ZBP1: variants seen among roughly 807,000 people sequenced by gnomAD.
The protein encoded by ZBP1 is Z-DNA binding protein 1.
ZBP1 carries 42 observed loss-of-function variants against 41.1 expected under a neutral mutation model. That is an observed-to-expected ratio of 1.02 (90% CI 0.80 to 1.32). The LOEUF is 1.32. Among genes scored for constraint, ZBP1 ranks in the 40% most tolerant of loss-of-function variants. ZBP1 has a pLI of 0.00. For synonymous variants in ZBP1, 214 were observed against 205.2 expected (o/e 1.04, Z -0.37); for missense variants, 562 against 549.7 (o/e 1.02, Z -0.22).
chr20:57,614,906 T>C lies in ZBP1; in HGVS notation c.483A>G (p.Ala161=). 1 of 1,614,198 alleles carries C rather than the reference T, an allele frequency of 6.2e-7. No individual in the cohort carries two copies. The highest frequency in any genetic ancestry group is 1.1e-5 in the South Asian group (1 of 91,076). Residue 161 remains alanine, a synonymous_variant, in exon 4 of 8, where the codon GCA becomes GCG. Coordinates refer to ENST00000371173, the MANE Select transcript of ZBP1 (RefSeq NM_030776.3). ...HLLDMDEQSK[A]WTIYRPEDSG... Reference sequence around the variant, plus strand: ...GCCTACCTGGGCGGTAAATCGTCCATGCTTTGGACTGCTCATCCATGTCCA... The same window carrying C: ...GCCTACCTGGGCGGTAAATCGTCCACGCTTTGGACTGCTCATCCATGTCCA...
In ZBP1 at chr20:57,616,258, G is replaced by C; in HGVS notation, c.245C>G (p.Ala82Gly). The C allele has an allele frequency of 6.2e-7, 1 of 1,613,972 alleles. No individual in the cohort carries two copies. The change falls in exon 2 of 8, where the codon GCC (alanine) becomes GGC (glycine). Residue 82 changes from alanine to glycine, a missense_variant. Ala to Gly is a moderately conservative substitution (Grantham distance 60). Coordinates refer to ENST00000371173, the MANE Select transcript of ZBP1 (RefSeq NM_030776.3). ...GTGGCAGTTACCAGGGCTGGACAAG[G>C]CCAGCTCTGCAGGACCCTCGCCTTC... Reference protein sequence around the residue: ...DPEGEGPAELALSSPAERPQQ... With the variant: ...DPEGEGPAELGLSSPAERPQQ...
Position 57,610,502 on chromosome 20 carries a change from T to C in ZBP1, c.875-135A>G. 1 of 834,614 alleles carries C rather than the reference T, an allele frequency of 1.2e-6. No individual in the cohort carries two copies. The allele number at this position is 834,614 out of a possible 1,614,324, so 51.7% of individuals were successfully genotyped here. A position where few individuals can be genotyped will look rare whatever the true frequency, so the allele number is the denominator to read the frequency against. On this transcript the variant is annotated intron_variant, in intron 6 of 7. Transcript: ENST00000371173. This position sits in a 1 kb window ranked among gnomAD's most constrained non-coding sequence, Gnocchi z 5.5. ...CACACCATCCCAGGAGCACAGCCTG[T>C]GCCTGCCCGCCACACCTCCACCCGC...
chr20:57,610,926 T>C lies in ZBP1; in HGVS notation c.875-559A>G, dbSNP rs2070649573. On this transcript the variant is annotated intron_variant, in intron 6 of 7. Coordinates refer to ENST00000371173, the MANE Select transcript of ZBP1 (RefSeq NM_030776.3). The surrounding 1 kb of genome is among the most constrained non-coding windows in gnomAD (Gnocchi z 5.5). Reference sequence around the variant, plus strand: ...AGATGCTTCCCTGGTCTCACCAGCCTGGCCCCTCTCTGGAGACTCCTTTCC... The same window carrying C: ...AGATGCTTCCCTGGTCTCACCAGCCCGGCCCCTCTCTGGAGACTCCTTTCC... 6.6e-6 allele frequency among the ~76,000 whole-genome samples: 1 copy of C among 151,724 alleles called. No homozygotes were observed. The highest frequency in any genetic ancestry group is 2.4e-5 in the African/African-American group (1 of 41,242).
chr20:57,604,678 C>T lies in ZBP1; in HGVS notation c.1185G>A (p.Lys395=), dbSNP rs2070451885. The change falls in exon 8 of 8, where the codon AAG becomes AAA. Residue 395 remains lysine, a synonymous_variant. Transcript: ENST00000371173. ...ITPSHSKLTP[K]LETMTLGNRS... ...TGTTTCCAAGAGTCATAGTTTCCAG[C>T]TTGGGGGTGAGCTTCGAGTGGCTGG... 3 of 1,614,134 alleles carry T rather than the reference C, an allele frequency of 1.9e-6. No individual in the cohort carries two copies. Among genetic ancestry groups the T allele is most frequent in the South Asian group, 1.1e-5 (1 of 91,078 alleles).
intron 7 of ZBP1, 65 bp from the exon 8 acceptor site, chr20:57,604,834 C>G: frequency 2.0e-6 from 3 of 1,472,482 alleles, no homozygotes; most frequent in Non-Finnish European, 2.8e-6. Flanking sequence ...CACAGGGACC[C>G]GCTCTTGGAA....
chr20:57,610,663 C>T lies in ZBP1; in HGVS notation c.875-296G>A. 4.1e-6 allele frequency: 2 copies of T among 487,518 alleles called. No individual in the cohort carries two copies. The highest frequency in any genetic ancestry group is 7.5e-6 in the Non-Finnish European group (2 of 267,852). 30.2% of individuals were successfully genotyped at this position (487,518 alleles called of 1,614,324 possible). Reference sequence around the variant, plus strand: ...TTCCTCTGGGATTCAGCTCCTCTCTCCTCTGCTGCCTGCTTCCCACTGCAC... The same window carrying T: ...TTCCTCTGGGATTCAGCTCCTCTCTTCTCTGCTGCCTGCTTCCCACTGCAC... On this transcript the variant is annotated intron_variant, in intron 6 of 7. Transcript: ENST00000371173. The surrounding 1 kb of genome is among the most constrained non-coding windows in gnomAD (Gnocchi z 5.5).
chr20:57,620,306 G>T lies in ZBP1; in HGVS notation c.-11C>A. 1 of 1,594,684 alleles carries T rather than the reference G, an allele frequency of 6.3e-7. No individual in the cohort carries two copies. On this transcript the variant is annotated 5_prime_UTR_variant, in exon 1 of 8. The change creates a new upstream start codon in the 5' untranslated region. Transcript: ENST00000371173. Reference sequence around the variant, plus strand: ...AGGAGCCTGGGCCATGCTGACAGCAGCTGCAAGGAGTCGGAGAGACTTGGC... The same window carrying T: ...AGGAGCCTGGGCCATGCTGACAGCATCTGCAAGGAGTCGGAGAGACTTGGC...
rs2070732487 is a variant in ZBP1, at chr20:57,613,462, A to G, written c.503-132T>C. On this transcript the variant is annotated intron_variant, in intron 4 of 7. Transcript: ENST00000371173. The surrounding 1 kb of genome is among the most constrained non-coding windows in gnomAD (Gnocchi z 4.5). The stretch of plus-strand genomic sequence containing the variant: ...CTGGGCGTTCCGAGTCAGTAGGGCC[A>G]AGTGGGAGGCCAGAGCTGGGTGTTT... 3 of 943,690 alleles carry G rather than the reference A, an allele frequency of 3.2e-6. No homozygotes were observed. The Admixed American group carries it at 6.3e-5, about 20-fold the overall frequency. 58.5% of individuals were successfully genotyped at this position (943,690 alleles called of 1,614,324 possible).
chr20:57,612,145 G>T (rs906303219), intron 5 of ZBP1, among the ~76,000 whole-genome samples: 1 of 152,128 alleles, frequency 6.6e-6, no homozygotes, highest in Non-Finnish European at 1.5e-5. Flanking sequence ...GGTCCTGGGT[G>T]TTGCAGGGAC....
intron 2 of ZBP1, 103 bp from the exon 3 acceptor site, chr20:57,615,683 G>A: frequency 1.0e-6 from 1 of 973,334 alleles, no homozygotes; most frequent in South Asian, 1.6e-5. Flanking sequence ...GGCAATGCCG[G>A]TAGTTGCAAA....
At chr20:57,605,046 G>T (rs1205879962) in intron 7 of ZBP1, among the ~76,000 whole-genome samples, 2 of 152,050 alleles carry the variant, frequency 1.3e-5, no homozygotes, top group African/African-American at 4.8e-5. Flanking sequence ...TCCTCCCAGG[G>T]ACCCCAAAAG....
chr20:57,604,745 G>C lies in ZBP1; in HGVS notation c.1118C>G (p.Ser373Cys). The change falls in exon 8 of 8, where the codon TCC becomes TGC. Residue 373 changes from serine to cysteine, a missense_variant. Transcript: ENST00000371173. ...DAGRRPADTQ[S>C]RSHFPRDIGQ... The stretch of plus-strand genomic sequence containing the variant: ...AATGTCTCGAGGAAAGTGACTTCTG[G>C]ATTGTGTGTCTGCGGGACGACGACC... The C allele has an allele frequency of 1.2e-6, 2 of 1,614,130 alleles. No homozygotes were observed. The highest frequency in any genetic ancestry group is 1.7e-6 in the Non-Finnish European group (2 of 1,179,998).
At chr20:57,619,054 G>C (rs985602326) in intron 1 of ZBP1, among the ~76,000 whole-genome samples, 4 of 152,224 alleles carry the variant, frequency 2.6e-5, no homozygotes, top group Admixed American at 2.6e-4. Flanking sequence ...AAATGGAGCA[G>C]GTGTAGGCAA....
intron 1 of ZBP1, 61 bp downstream of exon 1, chr20:57,620,199 AAG>A: frequency 1.3e-6 from 2 of 1,534,232 alleles, no homozygotes; most frequent in Non-Finnish European, 1.8e-6. Flanking sequence ...AACAGGAGGA[AAG>A]AGAAGTAGAA....
At chr20:57,615,401 G>A in intron 3 of ZBP1, 111 bp downstream of exon 3, 1 of 1,169,640 alleles carries the variant, frequency 8.5e-7, no homozygotes, top group East Asian at 2.4e-5. Context: ...CCTGGTGGGT[G>A]GGACAGGGCC....
rs534254724 is a variant in ZBP1 at position 57,608,276 on chromosome 20, C to T, written c.1093+1873G>A. Among the ~76,000 whole-genome samples the T allele has an allele frequency of 2.6e-5, 4 of 152,300 alleles. No individual in the cohort carries two copies. The South Asian group carries it at 8.3e-4, about 32-fold the overall frequency. On this transcript the variant is annotated intron_variant, in intron 7 of 7. Transcript: ENST00000371173. ...AGCTGGGACTACATGTGCCCGCCAC[C>T]ATGCCTGGCTAATTTTTTGTATTTT...
chr20:57,610,144 C>T lies in ZBP1; in HGVS notation c.1093+5G>A. 1 of 1,613,128 alleles carries T rather than the reference C, an allele frequency of 6.2e-7. No individual in the cohort carries two copies. Among genetic ancestry groups the T allele is most frequent in the Non-Finnish European group, 8.5e-7 (1 of 1,179,690 alleles). ...CACAGGGGTCCACTCTGCCCCCTAGCTCACCTGCGTCCTCCCCTGGCTCCC... is the reference window on the plus strand; with the variant it reads ...CACAGGGGTCCACTCTGCCCCCTAGTTCACCTGCGTCCTCCCCTGGCTCCC... On this transcript the variant is annotated splice_donor_5th_base_variant and intron_variant, in intron 7 of 7. Coordinates refer to ENST00000371173, the MANE Select transcript of ZBP1 (RefSeq NM_030776.3). The surrounding 1 kb of genome is among the most constrained non-coding windows in gnomAD (Gnocchi z 5.5).
intron 2 of ZBP1, chr20:57,616,010 T>C: frequency 1.7e-6 from 1 of 593,684 alleles, no homozygotes. Flanking sequence ...GCAGAGTACC[T>C]CCTGTGTGCA....
Position 57,610,469 on chromosome 20 carries a change from C to T in ZBP1, c.875-102G>A, listed in dbSNP as rs1455222596. On this transcript the variant is annotated intron_variant, in intron 6 of 7. Transcript: ENST00000371173. The surrounding 1 kb of genome is among the most constrained non-coding windows in gnomAD (Gnocchi z 5.5). ...TCACCCTCCTCCCCAGATCTCCCAC[C>T]AGTGGCCCACACCATCCCAGGAGCA... The T allele has an allele frequency of 4.9e-6, 6 of 1,234,030 alleles. No homozygotes were observed. In the African/African-American group the frequency reaches 7.4e-5, roughly 15 times the overall value. 76.4% of individuals were successfully genotyped at this position (1,234,030 alleles called of 1,614,324 possible).
Sources: allele counts gnomAD v4.1 joint callset (sites outside exome capture counted in the v4.1 genomes callset), GRCh38; gene constraint gnomAD v4.1.1; non-coding constraint Gnocchi (gnomAD v3.1); transcripts MANE v1.5; gene names NCBI Gene and HGNC (gene_info 2026-07-23, HGNC 2026-07-21).